LIN54: variants seen among roughly 807,000 people sequenced by gnomAD.
The protein encoded by LIN54 is lin-54 DREAM MuvB core complex component.
In LIN54, 9 loss-of-function variants were observed where a neutral mutation model predicts 78.7. The observed-to-expected ratio is 0.11, with a 90% CI of 0.07 to 0.20. The LOEUF is 0.20. Among genes scored for constraint, LIN54 ranks in the 10% least tolerant of loss-of-function variants. The pLI is 1.00. For synonymous variants in LIN54, 269 were observed against 318.4 expected (o/e 0.84, Z 1.65); for missense variants, 573 against 889.9 (o/e 0.64, Z 4.53).
chr4:82,946,346 A>G lies in LIN54; in HGVS notation c.1080T>C (p.Tyr360=). 1 of 1,614,226 alleles carries G rather than the reference A, an allele frequency of 6.2e-7. No individual in the cohort carries two copies. The highest frequency in any genetic ancestry group is 8.5e-7 in the Non-Finnish European group (1 of 1,180,014). Residue 360 remains tyrosine (Y), a synonymous_variant, in exon 5 of 13, where the codon TAT becomes TAC. Coordinates refer to ENST00000340417, the MANE Select transcript of LIN54 (RefSeq NM_194282.4). ...CTGATGTGGCAGTAACAAGTCGGAC[A>G]TAATGAAACTTGCTTCCAGGCACTT... The part of the protein sequence containing the change: ...QIQVPGSKFH[Y]VRLVTATSAS...
chr4:82,988,871 T>C (rs748514412), intron 1 of LIN54, among the ~76,000 whole-genome samples: 6 of 152,180 alleles, frequency 3.9e-5, no homozygotes, highest in Non-Finnish European at 5.9e-5. Context: ...GACAAGTTCC[T>C]GTTAAATTTT....
At chr4:82,977,878 G>C (rs1726290935) in intron 3 of LIN54, among the ~76,000 whole-genome samples, 1 of 152,180 alleles carries the variant, frequency 6.6e-6, no homozygotes, top group Non-Finnish European at 1.5e-5. Context: ...CAATCACTTG[G>C]CTGTGTGCTT....
intron 11 of LIN54, among the ~76,000 whole-genome samples, chr4:82,932,657 T>TG (rs1722060844): frequency 7.5e-6 from 1 of 132,720 alleles, no homozygotes; most frequent in Non-Finnish European, 1.6e-5. Context: ...CATCTCTCTT[T>TG]AAAAAAAAAA....
At chr4:82,943,894 A>T (rs1723147461) in intron 5 of LIN54, among the ~76,000 whole-genome samples, 1 of 140,274 alleles carries the variant, frequency 7.1e-6, no homozygotes, top group Admixed American at 7.1e-5. Context: ...TTTGAGACAG[A>T]GTCTCACTCT....
intron 4 of LIN54, among the ~76,000 whole-genome samples, chr4:82,947,229 A>ATTTTT (rs1263368630): frequency 9.7e-5 from 2 of 20,662 alleles, no homozygotes; most frequent in African/African-American, 1.7e-4. Context: ...ATATATATAT[A>ATTTTT]TATATATTTT....
intron 1 of LIN54, among the ~76,000 whole-genome samples, chr4:83,005,931 T>C (rs1383374018): frequency 2.6e-5 from 4 of 152,182 alleles, no homozygotes; most frequent in African/African-American, 9.7e-5. Flanking sequence ...ACATATACAC[T>C]ATGAAATACT....
At chr4:82,995,028 C>T (rs1366041270) in intron 1 of LIN54, among the ~76,000 whole-genome samples, 1 of 152,042 alleles carries the variant, frequency 6.6e-6, no homozygotes, top group Non-Finnish European at 1.5e-5. Context: ...CAGTGGCTCA[C>T]ACCTGTAATC....
chr4:83,002,250 G>A (rs552535631), intron 1 of LIN54, among the ~76,000 whole-genome samples: 47 of 151,792 alleles, frequency 3.1e-4, no homozygotes, highest in Non-Finnish European at 5.4e-4. Context: ...AATATTTTTA[G>A]AGAAATCAAG....
intron 2 of LIN54, among the ~76,000 whole-genome samples, chr4:82,980,008 G>A (rs1169853528): frequency 6.7e-6 from 1 of 149,664 alleles, no homozygotes; most frequent in Non-Finnish European, 1.5e-5. Flanking sequence ...GTGCAGTGGT[G>A]CACTCATAGT....
intron 1 of LIN54, among the ~76,000 whole-genome samples, chr4:83,006,411 T>G (rs1247803006): frequency 7.0e-6 from 1 of 143,754 alleles, no homozygotes. Flanking sequence ...ATTGCACCAC[T>G]GCACTTCAGC....
At chr4:82,953,391 G>GT (rs1329651318) in intron 4 of LIN54, among the ~76,000 whole-genome samples, 8 of 152,128 alleles carry the variant, frequency 5.3e-5, no homozygotes, top group African/African-American at 1.7e-4. Context: ...CAATATGAAT[G>GT]TACTTAATAT....
intron 8 of LIN54, among the ~76,000 whole-genome samples, chr4:82,937,594 C>T (rs1047790358): frequency 6.6e-6 from 1 of 152,114 alleles, no homozygotes; most frequent in Non-Finnish European, 1.5e-5. Context: ...TTATCAATAG[C>T]TGCTAAAGAA....
intron 1 of LIN54, among the ~76,000 whole-genome samples, chr4:82,989,166 C>T (rs1297420081): frequency 6.6e-6 from 1 of 151,202 alleles, no homozygotes; most frequent in Non-Finnish European, 1.5e-5. Flanking sequence ...CCAGCCTGGG[C>T]AACAGAGCCA....
intron 3 of LIN54, among the ~76,000 whole-genome samples, chr4:82,971,906 A>C (rs1725684666): frequency 1.3e-5 from 2 of 152,244 alleles, no homozygotes; most frequent in South Asian, 4.1e-4. Context: ...TTAAACTCAT[A>C]GATCCAGCTA....
At chr4:82,950,606 T>G (rs1325833993) in intron 4 of LIN54, among the ~76,000 whole-genome samples, 1 of 152,220 alleles carries the variant, frequency 6.6e-6, no homozygotes. Context: ...ATTTCCTGAA[T>G]AACATCTTTA....
intron 4 of LIN54, among the ~76,000 whole-genome samples, chr4:82,961,964 A>G (rs966640601): frequency 1.3e-5 from 2 of 152,092 alleles, no homozygotes; most frequent in Admixed American, 6.5e-5. Context: ...TCAAAAAAAA[A>G]AAAAAAGAAA....
chr4:83,003,415 A>G (rs922854607), intron 1 of LIN54: 2 of 152,236 alleles, frequency 1.3e-5, no homozygotes, highest in African/African-American at 2.4e-5. Flanking sequence ...ACTATAAGCC[A>G]TGAGTTCTGA....
intron 6 of LIN54, 55 bp from the exon 7 acceptor site, chr4:82,939,791 A>G (rs1722695802): frequency 3.0e-5 from 48 of 1,597,910 alleles, no homozygotes; most frequent in Non-Finnish European, 4.0e-5. Flanking sequence ...CAGCTGTTCA[A>G]TTCAGTATAA....
intron 1 of LIN54, among the ~76,000 whole-genome samples, chr4:83,006,726 C>T (rs572737363): frequency 1.3e-5 from 2 of 152,312 alleles, no homozygotes; most frequent in South Asian, 2.1e-4. Context: ...TGCTGCACTA[C>T]TCCCATTCTA....
Sources: gnomAD v4.1 joint callset for allele counts (sites outside exome capture counted in the v4.1 genomes callset) on GRCh38, gnomAD v4.1.1 for gene constraint, MANE v1.5 for transcripts, NCBI Gene and HGNC (gene_info 2026-07-23, HGNC 2026-07-21) for gene names.